The following WIPI1 variants were observed in gnomAD, a reference collection of about 807,000 sequenced individuals.
WIPI1 encodes the protein WD repeat domain, phosphoinositide interacting 1.
Under a neutral mutation model 55.3 loss-of-function variants are expected in WIPI1, and 45 were observed. The ratio of observed to expected loss-of-function variants is 0.81; its 90% CI spans 0.64 to 1.04. WIPI1 has a LOEUF of 1.04. Ranked by LOEUF, WIPI1 falls within the 50% of genes least tolerant of loss-of-function variation. WIPI1 has a pLI of 0.00. For missense variants in WIPI1, 445 were observed against 559.0 expected, an observed-to-expected ratio of 0.80 and a Z score of 2.06; for synonymous variants, 195 against 217.6, an observed-to-expected ratio of 0.90 and a Z score of 0.92.
In WIPI1 at chr17:68,421,693, A is replaced by G; in HGVS notation, c.*80T>C. ...CCCCCCTTTCTGCTCACACAATTGC[A>G]CTCCATTCTTCCGCCTTCCTTGTTT... On this transcript the variant is annotated 3_prime_UTR_variant, in exon 13 of 13. Transcript: ENST00000262139. 1.9e-6 allele frequency: 3 copies of G among 1,595,270 alleles called. No individual in the cohort carries two copies. Among genetic ancestry groups the G allele is most frequent in the Non-Finnish European group, 2.6e-6 (3 of 1,163,450 alleles).
In WIPI1 at chr17:68,433,760, GTTTTTTTTTTTTTTTTTTTTTT is replaced by G. The variant is rs556777098; in HGVS notation, c.693-207_693-186del. On this transcript the variant is annotated intron_variant, in intron 7 of 12. Coordinates refer to ENST00000262139, the MANE Select transcript of WIPI1 (RefSeq NM_017983.7). Reference sequence around the variant, plus strand: ...TCAGAAAGATTCACAAAGGGTCATAGTTTTTTTTTTTTTTTTTTTTTTTTTTTTTTTTTTTTTTGAGACAGAG... The same window carrying G: ...TCAGAAAGATTCACAAAGGGTCATAGTTTTTTTTTTTTTTTTGAGACAGAG... 6.9e-5 allele frequency among the ~76,000 whole-genome samples: 5 copies of G among 72,812 alleles called. No individual in the cohort carries two copies. In the Admixed American group the frequency reaches 7.2e-4, roughly 11 times the overall value. 47.8% of individuals were successfully genotyped at this position (72,812 alleles called of 152,430 possible).
chr17:68,434,828 T>C (rs1269627651), intron 6 of WIPI1, among the ~76,000 whole-genome samples: 1 of 152,310 alleles, frequency 6.6e-6, no homozygotes, highest in East Asian at 1.9e-4. Flanking sequence ...GTCTACCTTT[T>C]CCCTTCCACC....
intron 12 of WIPI1, chr17:68,424,580 C>A: frequency 2.0e-6 from 1 of 508,800 alleles, no homozygotes; most frequent in South Asian, 1.5e-5. Flanking sequence ...AGTCTTGGCC[C>A]AAACACTACT....
chr17:68,429,296 G>C (rs549932147), intron 9 of WIPI1, among the ~76,000 whole-genome samples: 3 of 152,296 alleles, frequency 2.0e-5, no homozygotes, highest in South Asian at 2.1e-4. Context: ...TGGAGGATTG[G>C]CTTACTGTCT....
intron 11 of WIPI1, 78 bp from the exon 12 acceptor site, chr17:68,426,253 G>GGGGGGGGGGGGGT: frequency 4.8e-6 from 4 of 841,018 alleles, no homozygotes; most frequent in Admixed American, 2.3e-5. Context: ...GGGGAGCGGG[G>GGGGGGGGGGGGGT]GCTCAAATAA....
intron 3 of WIPI1, among the ~76,000 whole-genome samples, chr17:68,446,844 G>A (rs1026377281): frequency 1.3e-5 from 2 of 152,102 alleles, no homozygotes; most frequent in African/African-American, 4.8e-5. Flanking sequence ...TCTGCTCTGC[G>A]GCTCACTCAG....
intron 7 of WIPI1, among the ~76,000 whole-genome samples, chr17:68,434,139 C>A: frequency 6.6e-6 from 1 of 152,126 alleles, no homozygotes; most frequent in East Asian, 1.9e-4. Flanking sequence ...AGGAACTGTG[C>A]CTTCCTGGCA....
In WIPI1 at chr17:68,426,109, G is replaced by C. The variant is rs2083154450; in HGVS notation, c.1259C>G (p.Pro420Arg). The C allele has an allele frequency of 6.2e-7, 1 of 1,612,504 alleles. No individual in the cohort carries two copies. Among genetic ancestry groups the C allele is most frequent in the African/African-American group, 1.3e-5 (1 of 74,854 alleles). The change falls in exon 12 of 13, where the codon CCA (proline) becomes CGA (arginine). Residue 420 changes from proline to arginine, a missense_variant. Pro to Arg is a moderately radical substitution (Grantham distance 103). Transcript: ENST00000262139. Reference sequence around the variant, plus strand: ...CTCATTCTCATCATCAAGACACACTGGTCCCGTCGCAAACTCATGTTCAGG... The same window carrying C: ...CTCATTCTCATCATCAAGACACACTCGTCCCGTCGCAAACTCATGTTCAGG... Reference protein sequence around the residue: ...VIPEHEFATGPVCLDDENEFP... With the variant: ...VIPEHEFATGRVCLDDENEFP...
chr17:68,456,182 A>G (rs576533217), intron 1 of WIPI1, among the ~76,000 whole-genome samples: 1 of 152,370 alleles, frequency 6.6e-6, no homozygotes, highest in South Asian at 2.1e-4. Flanking sequence ...TCACTCAAAT[A>G]ACCAAGCTGT....
intron 5 of WIPI1, among the ~76,000 whole-genome samples, 157 bp downstream of exon 5, chr17:68,436,225 C>G (rs533619494): frequency 6.6e-6 from 1 of 152,254 alleles, no homozygotes; most frequent in South Asian, 2.1e-4. Context: ...ACAGCAAGCC[C>G]GAGGGGAAAT....
intron 4 of WIPI1, 70 bp from the exon 5 acceptor site, chr17:68,436,549 C>A (rs1244155621): frequency 4.8e-6 from 7 of 1,447,870 alleles, no homozygotes; most frequent in Non-Finnish European, 6.8e-6. Flanking sequence ...GAGAGGGCAT[C>A]TGAAAACAGT....
At chr17:68,438,514 G>C (rs1029188452) in intron 4 of WIPI1, among the ~76,000 whole-genome samples, 1 of 152,156 alleles carries the variant, frequency 6.6e-6, no homozygotes, top group Non-Finnish European at 1.5e-5. Context: ...GAAGACTGTG[G>C]AAATCTTACA....
chr17:68,434,510 G>A (rs759084284), intron 7 of WIPI1, 46 bp downstream of exon 7: 5 of 1,606,904 alleles, frequency 3.1e-6, no homozygotes, highest in South Asian at 2.2e-5. Flanking sequence ...GGTCCCTGCG[G>A]GACTTCTGCG....
chr17:68,426,303 G>A, intron 11 of WIPI1, 128 bp from the exon 12 acceptor site: 1 of 735,278 alleles, frequency 1.4e-6, no homozygotes, highest in Non-Finnish European at 2.3e-6. Flanking sequence ...CTTCCCCCTG[G>A]AGGTACTGTG....
At chr17:68,441,337 G>A (rs928536519) in intron 4 of WIPI1, among the ~76,000 whole-genome samples, 2 of 152,228 alleles carry the variant, frequency 1.3e-5, no homozygotes, top group African/African-American at 2.4e-5. Context: ...GGCAACAGGC[G>A]AACTCTGTAT....
intron 3 of WIPI1, among the ~76,000 whole-genome samples, chr17:68,447,502 C>A (rs2084328905): frequency 6.6e-6 from 1 of 152,158 alleles, no homozygotes; most frequent in Admixed American, 6.5e-5. Flanking sequence ...CTGCCTCAGC[C>A]TCCCAAGTAG....
intron 7 of WIPI1, among the ~76,000 whole-genome samples, chr17:68,434,305 T>A (rs539146516): frequency 6.6e-6 from 1 of 152,334 alleles, no homozygotes; most frequent in African/African-American, 2.4e-5. Context: ...TCATTTCTCC[T>A]GTGCCGGCCG....
chr17:68,429,266 C>T (rs1254304885), intron 9 of WIPI1, among the ~76,000 whole-genome samples: 2 of 152,156 alleles, frequency 1.3e-5, no homozygotes. Flanking sequence ...TGCCCTTAAC[C>T]AAGACAGAAA....
intron 3 of WIPI1, chr17:68,448,292 A>G (rs988306684): frequency 1.3e-5 from 2 of 152,240 alleles, no homozygotes; most frequent in African/African-American, 4.8e-5. Context: ...CAAACCCCCA[A>G]TACTTCCCAG....
Sources: allele counts gnomAD v4.1 joint callset (sites outside exome capture counted in the v4.1 genomes callset), GRCh38; gene constraint gnomAD v4.1.1; transcripts MANE v1.5; gene names NCBI Gene and HGNC (gene_info 2026-07-23, HGNC 2026-07-21).